The following PRELID2 variants were observed in gnomAD, a reference collection of about 807,000 sequenced individuals.
The protein encoded by PRELID2 is PRELI domain-containing protein 2.
PRELID2 carries 25 observed loss-of-function variants against 28.4 expected under a neutral mutation model. The observed-to-expected ratio is 0.88, with a 90% CI of 0.64 to 1.23. The LOEUF (loss-of-function observed/expected upper bound fraction) is 1.23, where lower values mean the gene tolerates loss of function less well. Among genes scored for constraint, PRELID2 ranks in the 50% most tolerant of loss-of-function variants. PRELID2 has a pLI of 0.00. For missense variants in PRELID2, 201 were observed against 214.4 expected, an observed-to-expected ratio of 0.94 and a Z score of 0.39; for synonymous variants, 76 against 71.6, an observed-to-expected ratio of 1.06 and a Z score of -0.31.
chr5:145,628,996 A>G (rs1753895556), intron 1 of PRELID2, among the ~76,000 whole-genome samples: 1 of 152,178 alleles, frequency 6.6e-6, no homozygotes, highest in Admixed American at 6.5e-5. Context: ...TGGTTTGAAA[A>G]TTTGCTTCGC....
chr5:145,424,469 G>A, the PRELID2 span, among the ~76,000 whole-genome samples: 28 of 152,188 alleles, frequency 1.8e-4, no homozygotes, highest in African/African-American at 3.1e-4. Context: ...TCGGAAAAGC[G>A]CAGTATTCGG....
At chr5:145,665,154 A>G (rs1232750255) in intron 1 of PRELID2, among the ~76,000 whole-genome samples, 1 of 152,112 alleles carries the variant, frequency 6.6e-6, no homozygotes, top group Non-Finnish European at 1.5e-5. Flanking sequence ...CAAGTTAAAA[A>G]AAGAAGAGTT....
intron 1 of PRELID2, among the ~76,000 whole-genome samples, chr5:145,601,410 A>G (rs1753396087): frequency 1.3e-5 from 2 of 152,128 alleles, no homozygotes; most frequent in African/African-American, 4.8e-5. Flanking sequence ...ATATCAAAAT[A>G]AGTCTAATTA....
chr5:145,730,010 C>G (rs912931667), intron 1 of PRELID2, among the ~76,000 whole-genome samples: 1 of 152,052 alleles, frequency 6.6e-6, no homozygotes, highest in Admixed American at 6.6e-5. Flanking sequence ...ATGGCCAATT[C>G]TAAGACACAA....
the PRELID2 span, among the ~76,000 whole-genome samples, chr5:145,353,261 C>T: frequency 1.3e-5 from 2 of 151,940 alleles, no homozygotes; most frequent in African/African-American, 4.8e-5. Flanking sequence ...AGTTTGAGAC[C>T]AGCCTGGCCA....
At chr5:145,645,886 CT>C (rs771829416) in intron 1 of PRELID2, among the ~76,000 whole-genome samples, 202 of 152,330 alleles carry the variant, frequency 1.3e-3, no homozygotes, top group Non-Finnish European at 2.3e-3. Context: ...TGTAGGGTTT[CT>C]GCAGAAAAGA....
the PRELID2 span, among the ~76,000 whole-genome samples, chr5:145,339,779 C>T: frequency 6.6e-6 from 1 of 151,936 alleles, no homozygotes; most frequent in South Asian, 2.1e-4. Context: ...TTTACTCTAC[C>T]CAAAGGCAAG....
the PRELID2 span, among the ~76,000 whole-genome samples, chr5:145,268,274 T>C: frequency 6.6e-6 from 1 of 152,182 alleles, no homozygotes; most frequent in Non-Finnish European, 1.5e-5. Context: ...GAGTTTGAAG[T>C]CCTAGATTTA....
At chr5:145,825,247 A>AC (rs1755107119) in intron 1 of PRELID2, among the ~76,000 whole-genome samples, 1 of 143,416 alleles carries the variant, frequency 7.0e-6, no homozygotes, top group Non-Finnish European at 1.6e-5. Flanking sequence ...AAAAAAAAAA[A>AC]AAAAAAAAAA....
At chr5:145,238,956 T>C in the PRELID2 span, among the ~76,000 whole-genome samples, 1,645 of 152,050 alleles carry the variant, frequency 0.011, 13 homozygotes, top group South Asian at 0.024. Flanking sequence ...TGTGGGTATC[T>C]ATCTGTCTCT....
intron 1 of PRELID2, among the ~76,000 whole-genome samples, chr5:145,575,595 AACAG>A (rs986825642): frequency 1.3e-5 from 2 of 152,172 alleles, no homozygotes; most frequent in Non-Finnish European, 2.9e-5. Flanking sequence ...TGCTTCACAC[AACAG>A]ACAGAGGGAT....
At chr5:145,408,634 A>C in the PRELID2 span, among the ~76,000 whole-genome samples, 1 of 151,906 alleles carries the variant, frequency 6.6e-6, no homozygotes, top group East Asian at 1.9e-4. Context: ...GCTTGAAGAA[A>C]AGGCTTTCAA....
chr5:145,512,328 C>T (rs1055212563), intron 1 of PRELID2, among the ~76,000 whole-genome samples: 4 of 152,114 alleles, frequency 2.6e-5, no homozygotes, highest in African/African-American at 9.7e-5. Context: ...TGGGGAGTCG[C>T]CTCACTTGGG....
rs1179610365 is a variant in PRELID2, at chr5:145,820,159, T to A, written c.134-141A>T. ...TTGAGACACCCAGGCTGGAGTGCAA[T>A]GGCACGGTCTCGGCTCACTGCAACT... On this transcript the variant is annotated intron_variant, in intron 2 of 6. Coordinates refer to ENST00000683046, the MANE Select transcript of PRELID2 (RefSeq NM_205846.3). 5.1e-6 allele frequency: 3 copies of A among 589,010 alleles called. No homozygotes were observed. In the South Asian group the frequency reaches 6.7e-5, roughly 13 times the overall value. 36.5% of individuals were successfully genotyped at this position (589,010 alleles called of 1,614,324 possible).
rs142897322 is a variant in PRELID2 at position 145,479,558 on chromosome 5, A to G, written n.71-6243T>C. On this transcript the variant is annotated intron_variant and non_coding_transcript_variant, in intron 1 of 2. Transcript: ENST00000510259. Reference sequence around the variant, plus strand: ...ACCATTCACTTAATTGTCTGCCTTAAGTACCCTGAGTTCAGACACAGTGTT... The same window carrying G: ...ACCATTCACTTAATTGTCTGCCTTAGGTACCCTGAGTTCAGACACAGTGTT... Among the ~76,000 whole-genome samples the G allele has an allele frequency of 2.4e-3, 369 of 152,306 alleles. 1 individual carries two copies. Among genetic ancestry groups the G allele is most frequent in the African/African-American group, 8.4e-3 (349 of 41,566 alleles).
intron 1 of PRELID2, among the ~76,000 whole-genome samples, chr5:145,487,165 G>A (rs868775969): frequency 4.0e-5 from 6 of 149,110 alleles, no homozygotes; most frequent in African/African-American, 9.9e-5. Flanking sequence ...TGGGTGCAGC[G>A]CACCAGCATG....
chr5:145,478,699 A>T (rs1295539504), intron 1 of PRELID2, among the ~76,000 whole-genome samples: 1 of 152,220 alleles, frequency 6.6e-6, no homozygotes, highest in Admixed American at 6.5e-5. Flanking sequence ...TACTTTTTTA[A>T]TGTGACTGCT....
rs70998036 is a variant in PRELID2, at chr5:145,758,994, A to ATTTTTTTTTTTTTTTTTTTTTTTTTT, written c.*1541_*1542insAAAAAAAAAAAAAAAAAAAAAAAAAA. 1 of 90,594 alleles carries ATTTTTTTTTTTTTTTTTTTTTTTTTT rather than the reference A, an allele frequency of 1.1e-5. No individual in the cohort carries two copies. The highest frequency in any genetic ancestry group is 2.0e-5 in the Non-Finnish European group (1 of 51,032). 5.6% of individuals were successfully genotyped at this position (90,594 alleles called of 1,614,324 possible). On this transcript the variant is annotated 3_prime_UTR_variant, in exon 7 of 7. Transcript: ENST00000683046. The stretch of plus-strand genomic sequence containing the variant: ...CCAAGACTCTCCAGTAACGGCCTGA[A>ATTTTTTTTTTTTTTTTTTTTTTTTTT]TTTTTTTTTTTTTTTTTTTTTTTTG...
chr5:145,478,383 T>TA (rs544651463), intron 1 of PRELID2, among the ~76,000 whole-genome samples: 253 of 152,046 alleles, frequency 1.7e-3, no homozygotes, highest in South Asian at 0.013. Context: ...CCGTCTCTAC[T>TA]AAAAGTACAA....
Sources: gnomAD v4.1 joint callset for allele counts (sites outside exome capture counted in the v4.1 genomes callset) on GRCh38, gnomAD v4.1.1 for gene constraint, MANE v1.5 for transcripts, NCBI Gene and HGNC (gene_info 2026-07-23, HGNC 2026-07-21) for gene names.